The following DGKB variants were observed in gnomAD, a reference collection of about 807,000 sequenced individuals.
The protein encoded by DGKB is diacylglycerol kinase beta.
A neutral mutation model predicts 114.3 loss-of-function variants in DGKB; 67 were observed. The observed-to-expected ratio is 0.59, with a 90% CI of 0.48 to 0.72. The LOEUF (loss-of-function observed/expected upper bound fraction) is 0.72. DGKB is among the 30% of genes least tolerant of loss of function. The pLI is 0.00. For synonymous variants in DGKB, 398 were observed against 323.1 expected (o/e 1.23, Z -2.49); for missense variants, 907 against 975.2 (o/e 0.93, Z 0.93).
At chr7:14,847,293 A>AT (rs1848771570) in intron 1 of DGKB, among the ~76,000 whole-genome samples, 1 of 150,314 alleles carries the variant, frequency 6.7e-6, no homozygotes, top group Non-Finnish European at 1.5e-5. Context: ...TCCGTCTCAA[A>AT]AAAAAAAAAA....
rs928943918 is a variant in DGKB at position 14,770,584 on chromosome 7, T to C, written c.71-12853A>G. On this transcript the variant is annotated intron_variant, in intron 2 of 25. Coordinates refer to ENST00000402815, the MANE Select transcript of DGKB (RefSeq NM_001350709.2). ...CCATTCATCAAAATTCCAAGAAAAA[T>C]TGAAGAAGGAAAATTTTGCAAATAT... Among the ~76,000 whole-genome samples the C allele has an allele frequency of 1.5e-4, 23 of 152,180 alleles. 1 individual carries two copies. Among genetic ancestry groups the C allele is most frequent in the Non-Finnish European group, 2.4e-4 (16 of 67,986 alleles).
chr7:14,363,022 C>T (rs1449439828), intron 21 of DGKB, among the ~76,000 whole-genome samples: 1 of 152,082 alleles, frequency 6.6e-6, no homozygotes, highest in African/African-American at 2.4e-5. Context: ...CCACCTTCCC[C>T]CTCTTGGAGC....
chr7:14,871,886 A>T (rs1255249549), intron 1 of DGKB, among the ~76,000 whole-genome samples: 1 of 152,156 alleles, frequency 6.6e-6, no homozygotes, highest in Non-Finnish European at 1.5e-5. Context: ...TTTAGTTTTC[A>T]TACTTTTATT....
At chr7:14,167,590 G>T (rs1447606676) in intron 25 of DGKB, among the ~76,000 whole-genome samples, 7 of 152,184 alleles carry the variant, frequency 4.6e-5, no homozygotes, top group Admixed American at 4.6e-4. Context: ...CCTTAGCTGT[G>T]TATGCATAGA....
At chr7:14,281,660 T>C (rs1480394736) in intron 23 of DGKB, among the ~76,000 whole-genome samples, 3 of 150,682 alleles carry the variant, frequency 2.0e-5, no homozygotes, top group Non-Finnish European at 3.0e-5. Flanking sequence ...TAACAAACTA[T>C]CTCTCAGACC....
intron 21 of DGKB, among the ~76,000 whole-genome samples, chr7:14,455,995 TA>T (rs1689909615): frequency 6.6e-6 from 1 of 152,032 alleles, no homozygotes; most frequent in Non-Finnish European, 1.5e-5. Flanking sequence ...TTAGCATTTC[TA>T]ATCCAAAAAT....
rs1431510604 is a variant in DGKB at position 14,648,345 on chromosome 7, C to G, written c.1135-18077G>C. On this transcript the variant is annotated intron_variant, in intron 13 of 25. Transcript: ENST00000402815. Reference sequence around the variant, plus strand: ...CAAGTGGGTCCCTGACCCCTGACCCCCGAGCAGCCTAACTGGGAGGCACCC... The same window carrying G: ...CAAGTGGGTCCCTGACCCCTGACCCGCGAGCAGCCTAACTGGGAGGCACCC... Among the ~76,000 whole-genome samples, 3 of 152,192 alleles carry G rather than the reference C, an allele frequency of 2.0e-5. No individual in the cohort carries two copies. In the South Asian group the frequency reaches 6.2e-4, roughly 32 times the overall value.
At chr7:14,614,071 ACG>A (rs1368854727) in intron 15 of DGKB, among the ~76,000 whole-genome samples, 1 of 152,204 alleles carries the variant, frequency 6.6e-6, no homozygotes, top group Non-Finnish European at 1.5e-5. Flanking sequence ...ACTCGACTAT[ACG>A]TCATGTGCTA....
chr7:14,212,751 A>G (rs949074454), intron 23 of DGKB, among the ~76,000 whole-genome samples: 5 of 152,052 alleles, frequency 3.3e-5, no homozygotes, highest in African/African-American at 1.2e-4. Flanking sequence ...TCTCTTTGCC[A>G]CCAAAATACT....
At chr7:14,183,734 AT>A (rs1458958582) in intron 23 of DGKB, among the ~76,000 whole-genome samples, 1 of 152,202 alleles carries the variant, frequency 6.6e-6, no homozygotes, top group African/African-American at 2.4e-5. Flanking sequence ...TCTAAATTCC[AT>A]GTTACTGTGA....
intron 13 of DGKB, among the ~76,000 whole-genome samples, chr7:14,639,995 T>C (rs2128871559): frequency 6.6e-6 from 1 of 152,250 alleles, no homozygotes; most frequent in South Asian, 2.1e-4. Flanking sequence ...ACAAACATAC[T>C]TATGGTTATG....
intron 21 of DGKB, among the ~76,000 whole-genome samples, chr7:14,376,021 C>T (rs1818425928): frequency 1.3e-5 from 2 of 152,164 alleles, no homozygotes; most frequent in African/African-American, 2.4e-5. Context: ...AGAATACTGA[C>T]CATGCAAATT....
At chr7:14,495,249 A>G (rs986326473) in intron 20 of DGKB, among the ~76,000 whole-genome samples, 31 of 151,822 alleles carry the variant, frequency 2.0e-4, no homozygotes, top group African/African-American at 7.5e-4. Context: ...TGGTCAACAA[A>G]TGGCTCTTTT....
intron 20 of DGKB, among the ~76,000 whole-genome samples, chr7:14,494,540 T>A (rs77557843): frequency 0.021 from 3,189 of 152,004 alleles, 121 homozygotes; most frequent in African/African-American, 0.072. Context: ...ATTTATGGGT[T>A]AACCACACTT....
chr7:14,738,795 A>G (rs1832117680), intron 4 of DGKB, among the ~76,000 whole-genome samples: 1 of 152,222 alleles, frequency 6.6e-6, no homozygotes, highest in African/African-American at 2.4e-5. Context: ...GAAGTAGTAA[A>G]GGACTAGAAA....
At chr7:14,936,656 C>G (rs994876618) in intron 1 of DGKB, among the ~76,000 whole-genome samples, 1 of 152,048 alleles carries the variant, frequency 6.6e-6, no homozygotes, top group Admixed American at 6.6e-5. Flanking sequence ...ACAGGGCAGG[C>G]CTGTTTGCGG....
chr7:14,680,444 A>C (rs1820632151), intron 12 of DGKB, among the ~76,000 whole-genome samples: 1 of 151,966 alleles, frequency 6.6e-6, no homozygotes, highest in African/African-American at 2.4e-5. Flanking sequence ...CTGTAAAAGA[A>C]ACTGCCTCTT....
At chr7:14,176,519 A>ATT (rs535057370) in intron 25 of DGKB, 35 of 1,032,446 alleles carry the variant, frequency 3.4e-5, no homozygotes, top group Middle Eastern at 4.5e-4. Flanking sequence ...AATAAACAAA[A>ATT]AAGTTTCAGA....
At chr7:14,183,418 C>T (rs1404826981) in intron 23 of DGKB, among the ~76,000 whole-genome samples, 1 of 152,128 alleles carries the variant, frequency 6.6e-6, no homozygotes, top group Non-Finnish European at 1.5e-5. Context: ...TTAATATAAA[C>T]TGTGTTTCAG....
Sources: gnomAD v4.1 joint callset for allele counts (sites outside exome capture counted in the v4.1 genomes callset) on GRCh38, gnomAD v4.1.1 for gene constraint, MANE v1.5 for transcripts, NCBI Gene and HGNC (gene_info 2026-07-23, HGNC 2026-07-21) for gene names.